Variants in ALKBH5 observed in about 807,000 individuals in gnomAD.
ALKBH5 encodes the protein RNA demethylase ALKBH5.
In ALKBH5, 2 loss-of-function variants were observed where a neutral mutation model predicts 32.1. The ratio of observed to expected loss-of-function variants is 0.06; its 90% CI spans 0.03 to 0.20. ALKBH5 has a LOEUF of 0.20. ALKBH5 is among the 10% of genes least tolerant of loss of function. The probability of loss-of-function intolerance (pLI) is 1.00; values close to 1 mark genes in which losing one functional copy is unlikely to be tolerated. For synonymous variants in ALKBH5, 300 were observed against 231.7 expected (o/e 1.29, Z -2.68); for missense variants, 352 against 559.5 (o/e 0.63, Z 3.74).
At chr17:18,190,567 A>G (rs2047168326) in intron 1 of ALKBH5, among the ~76,000 whole-genome samples, 1 of 152,004 alleles carries the variant, frequency 6.6e-6, no homozygotes, top group African/African-American at 2.4e-5. Context: ...AAAAAAAAAA[A>G]AAAAATTTCA....
In ALKBH5 at chr17:18,184,156, C is replaced by T. The variant is rs1315122521; in HGVS notation, c.-88C>T. 8.9e-6 allele frequency: 11 copies of T among 1,242,106 alleles called. No individual in the cohort carries two copies. The highest frequency in any genetic ancestry group is 1.4e-5 in the South Asian group (1 of 69,200). 76.9% of individuals were successfully genotyped at this position (1,242,106 alleles called of 1,614,324 possible). A position where few individuals can be genotyped will look rare whatever the true frequency, so the allele number is the denominator to read the frequency against. On this transcript the variant is annotated 5_prime_UTR_variant, in exon 1 of 4. Transcript: ENST00000399138. ...GGTTCGGCGCTAAGGACCCCCCTCCCTCCGGGGGCCCCGGGGCGCGTCCCC... is the reference window on the plus strand; with the variant it reads ...GGTTCGGCGCTAAGGACCCCCCTCCTTCCGGGGGCCCCGGGGCGCGTCCCC...
intron 2 of ALKBH5, among the ~76,000 whole-genome samples, chr17:18,200,683 A>G (rs1597840605): frequency 6.6e-6 from 1 of 152,218 alleles, no homozygotes; most frequent in Admixed American, 6.5e-5. Context: ...TGGTCAAAGA[A>G]GGCTTTCCAG....
At chr17:18,189,467 G>C (rs569453721) in intron 1 of ALKBH5, among the ~76,000 whole-genome samples, 2 of 152,192 alleles carry the variant, frequency 1.3e-5, no homozygotes, top group African/African-American at 4.8e-5. Flanking sequence ...TAGCTCTCTG[G>C]GGGATATAGG....
chr17:18,194,704 A>T (rs4925145), intron 1 of ALKBH5, among the ~76,000 whole-genome samples: 1 of 152,046 alleles, frequency 6.6e-6, no homozygotes, highest in African/African-American at 2.4e-5. Flanking sequence ...TCTTGCTTCC[A>T]GCCTCTGCCT....
chr17:18,207,894 A>G (rs775696642), intron 3 of ALKBH5, among the ~76,000 whole-genome samples: 42 of 152,100 alleles, frequency 2.8e-4, no homozygotes, highest in Non-Finnish European at 5.4e-4. Flanking sequence ...AGAGCTGGGA[A>G]GTAAAGGTAG....
intron 1 of ALKBH5, among the ~76,000 whole-genome samples, chr17:18,194,671 G>A (rs1180146426): frequency 6.6e-6 from 1 of 152,184 alleles, no homozygotes; most frequent in Non-Finnish European, 1.5e-5. Flanking sequence ...TTAAAAAAGG[G>A]TTCCTGGCCT....
chr17:18,186,132 T>C (rs960432615), intron 1 of ALKBH5, among the ~76,000 whole-genome samples: 7 of 152,136 alleles, frequency 4.6e-5, no homozygotes, highest in African/African-American at 1.7e-4. Context: ...GCTGCTTCCA[T>C]GTTGGGGATG....
At chr17:18,205,512 C>T (rs1007464264) in intron 2 of ALKBH5, among the ~76,000 whole-genome samples, 2 of 152,228 alleles carry the variant, frequency 1.3e-5, no homozygotes, top group Non-Finnish European at 2.9e-5. Flanking sequence ...AGGAGATGCC[C>T]CTGCTGCCTT....
intron 2 of ALKBH5, among the ~76,000 whole-genome samples, chr17:18,197,090 T>G: frequency 6.6e-6 from 1 of 152,214 alleles, no homozygotes; most frequent in East Asian, 1.9e-4. Context: ...TTTGCCACTT[T>G]GCCAAGTCAA....
At chr17:18,201,808 GATA>G (rs1223392156) in intron 2 of ALKBH5, among the ~76,000 whole-genome samples, 47 of 72,172 alleles carry the variant, frequency 6.5e-4, no homozygotes, top group Non-Finnish European at 8.7e-4. Context: ...TAGATAGATA[GATA>G]GATAGATAGA....
At chr17:18,194,278 C>G (rs961943099) in intron 1 of ALKBH5, among the ~76,000 whole-genome samples, 1 of 151,962 alleles carries the variant, frequency 6.6e-6, no homozygotes, top group Non-Finnish European at 1.5e-5. Context: ...CTCAGCCTCC[C>G]AAGTAGCTGG....
intron 2 of ALKBH5, among the ~76,000 whole-genome samples, chr17:18,196,648 A>G (rs12936694): frequency 0.33 from 50,248 of 152,170 alleles, 9,037 homozygotes; most frequent in Non-Finnish European, 0.41. Flanking sequence ...TATACTATCA[A>G]TGTAACTTAA....
At position 18,184,327 on chromosome 17, in the gene ALKBH5, G is replaced by A; in HGVS notation, c.84G>A (p.Arg28=). The change falls in exon 1 of 4, where the codon CGG becomes CGA. Residue 28 remains arginine (R), a synonymous_variant. Transcript: ENST00000399138. ...TSRDNYKAGS[R]EAAAAAAAAV... Reference sequence around the variant, plus strand: ...GGGACAACTATAAGGCGGGCAGCCGGGAGGCCGCCGCCGCTGCCGCAGCCG... The same window carrying A: ...GGGACAACTATAAGGCGGGCAGCCGAGAGGCCGCCGCCGCTGCCGCAGCCG... 1.3e-6 allele frequency: 2 copies of A among 1,513,672 alleles called. No homozygotes were observed. Among genetic ancestry groups the A allele is most frequent in the South Asian group, 2.5e-5 (2 of 79,678 alleles). 93.8% of individuals were successfully genotyped at this position (1,513,672 alleles called of 1,614,324 possible).
In ALKBH5 at chr17:18,208,863, G is replaced by C. The variant is rs968838017; in HGVS notation, c.*467G>C. ...CTGCACTTGGTTGAGGTCTCCTGGA[G>C]CCTCACAGGCTCTGCTGTTCTCCAC... On this transcript the variant is annotated 3_prime_UTR_variant, in exon 4 of 4. Transcript: ENST00000399138. 3.7e-6 allele frequency: 1 copy of C among 273,010 alleles called. No homozygotes were observed. Among genetic ancestry groups the C allele is most frequent in the Non-Finnish European group, 7.1e-6 (1 of 139,932 alleles). The allele number at this position is 273,010 out of a possible 1,614,324, so 16.9% of individuals were successfully genotyped here. A position where few individuals can be genotyped will look rare whatever the true frequency, so the allele number is the denominator to read the frequency against.
At position 18,208,479 on chromosome 17, in the gene ALKBH5, C is replaced by G; in HGVS notation, c.*83C>G. The G allele has an allele frequency of 6.7e-7, 1 of 1,502,686 alleles. No homozygotes were observed. Among genetic ancestry groups the G allele is most frequent in the Non-Finnish European group, 9.1e-7 (1 of 1,098,738 alleles). The allele number at this position is 1,502,686 out of a possible 1,614,324, so 93.1% of individuals were successfully genotyped here. A position where few individuals can be genotyped will look rare whatever the true frequency, so the allele number is the denominator to read the frequency against. On this transcript the variant is annotated 3_prime_UTR_variant, in exon 4 of 4. Coordinates refer to ENST00000399138, the MANE Select transcript of ALKBH5 (RefSeq NM_017758.4). Reference sequence around the variant, plus strand: ...TTGTTTTGAGGGTTTTGTTTTTGTTCATTGGGGGGTTTTTGTTTTTTGTTT... The same window carrying G: ...TTGTTTTGAGGGTTTTGTTTTTGTTGATTGGGGGGTTTTTGTTTTTTGTTT...
chr17:18,203,648 TGCTAA>T (rs1354683463), intron 2 of ALKBH5, among the ~76,000 whole-genome samples: 1 of 152,260 alleles, frequency 6.6e-6, no homozygotes, highest in Non-Finnish European at 1.5e-5. Flanking sequence ...TGTGACTCTC[TGCTAA>T]ACCCTGAGGA....
chr17:18,200,444 A>G (rs982416059), intron 2 of ALKBH5, among the ~76,000 whole-genome samples: 1 of 152,190 alleles, frequency 6.6e-6, no homozygotes, highest in African/African-American at 2.4e-5. Context: ...TTAACCAGAT[A>G]AAGTGGCACA....
At position 18,183,991 on chromosome 17, in the gene ALKBH5, C is replaced by T. The variant is rs980097787; in HGVS notation, c.-253C>T. 4.6e-6 allele frequency: 3 copies of T among 648,322 alleles called. No individual in the cohort carries two copies. The highest frequency in any genetic ancestry group is 3.1e-5 in the South Asian group (2 of 64,972). The allele number at this position is 648,322 out of a possible 1,614,324, so 40.2% of individuals were successfully genotyped here. Reference sequence around the variant, plus strand: ...CCGCGGCATGAGGCGCTGCCGGCGCCCCTGCCCCGCGGGACGTGGAGAAGG... The same window carrying T: ...CCGCGGCATGAGGCGCTGCCGGCGCTCCTGCCCCGCGGGACGTGGAGAAGG... On this transcript the variant is annotated 5_prime_UTR_variant, in exon 1 of 4. Transcript: ENST00000399138.
intron 3 of ALKBH5, 107 bp downstream of exon 3, chr17:18,207,077 C>T (rs2047273492): frequency 7.1e-7 from 1 of 1,404,478 alleles, no homozygotes; most frequent in Admixed American, 2.2e-5. Flanking sequence ...CTTGCTCACC[C>T]TTTCAAAACC....
Sources: gnomAD v4.1 joint callset for allele counts (sites outside exome capture counted in the v4.1 genomes callset) on GRCh38, gnomAD v4.1.1 for gene constraint, MANE v1.5 for transcripts, NCBI Gene and HGNC (gene_info 2026-07-23, HGNC 2026-07-21) for gene names.